SUPT7L: variants seen among roughly 807,000 people sequenced by gnomAD.
SUPT7L encodes SPT7 like, STAGA complex subunit gamma.
SUPT7L carries 15 observed loss-of-function variants against 35.7 expected under a neutral mutation model. The ratio of observed to expected loss-of-function variants is 0.42; its 90% CI spans 0.28 to 0.65. SUPT7L has a LOEUF of 0.65. Ranked by LOEUF, SUPT7L falls within the 30% of genes least tolerant of loss-of-function variation. The pLI, the probability that SUPT7L is intolerant of heterozygous loss-of-function variation, is 0.23. For synonymous variants in SUPT7L, 168 were observed against 186.2 expected (o/e 0.90, Z 0.79); for missense variants, 434 against 522.2 (o/e 0.83, Z 1.65).
chr2:27,654,271 C>A (rs988430192), intron 5 of SUPT7L, among the ~76,000 whole-genome samples: 1 of 152,244 alleles, frequency 6.6e-6, no homozygotes, highest in Non-Finnish European at 1.5e-5. Context: ...GCAACAATTT[C>A]TCTTTGGCCC....
chr2:27,659,975 A>G (rs1281329774), intron 3 of SUPT7L, among the ~76,000 whole-genome samples: 1 of 152,222 alleles, frequency 6.6e-6, no homozygotes, highest in Non-Finnish European at 1.5e-5. Flanking sequence ...GGCATTAAAT[A>G]CAACTTGCAC....
chr2:27,653,300 A>G lies in SUPT7L; in HGVS notation c.*185T>C. 1 of 811,800 alleles carries G rather than the reference A, an allele frequency of 1.2e-6. No homozygotes were observed. Among genetic ancestry groups the G allele is most frequent in the Non-Finnish European group, 1.9e-6 (1 of 534,126 alleles). 50.3% of individuals were successfully genotyped at this position (811,800 alleles called of 1,614,324 possible). On this transcript the variant is annotated 3_prime_UTR_variant, in exon 6 of 6. Coordinates refer to ENST00000337768, the MANE Select transcript of SUPT7L (RefSeq NM_014860.3). ...AAGGGTGGCTTGGTTGTGGAAAACT[A>G]TAAAAACTGGATGCAAAAGTAAAAT...
In SUPT7L at chr2:27,653,205, C is replaced by G. The variant is rs1674637416; in HGVS notation, c.*280G>C. The G allele has an allele frequency of 2.3e-6, 1 of 438,190 alleles. No individual in the cohort carries two copies. The highest frequency in any genetic ancestry group is 2.0e-5 in the African/African-American group (1 of 50,500). 27.1% of individuals were successfully genotyped at this position (438,190 alleles called of 1,614,324 possible). ...TAAATGGCTGTATAACATGTCTAGT[C>G]ATAGTTAAGACAACAATTGGGGACA... On this transcript the variant is annotated 3_prime_UTR_variant, in exon 6 of 6. Coordinates refer to ENST00000337768, the MANE Select transcript of SUPT7L (RefSeq NM_014860.3).
intron 4 of SUPT7L, 93 bp from the exon 5 acceptor site, chr2:27,655,695 T>C (rs1423425336): frequency 1.5e-5 from 16 of 1,095,730 alleles, no homozygotes; most frequent in South Asian, 3.2e-5. Flanking sequence ...CAACAGAACA[T>C]GAATAACAGA....
At position 27,657,610 on chromosome 2, in the gene SUPT7L, T is replaced by G. The variant is rs1418157550; in HGVS notation, c.479A>C (p.Gln160Pro). Residue 160 changes from glutamine (Q) to proline (P), a missense_variant, in exon 4 of 6, where the codon CAG (glutamine) becomes CCG (proline). This residue lies in a region of SUPT7L where 198 missense variants were observed against 190.8 expected (regional missense o/e 1.04). Transcript: ENST00000337768. This position sits in a 1 kb window ranked among gnomAD's most constrained non-coding sequence, Gnocchi z 5.2. ...GTGGGCCAGGATTGTGGCCACTGCC[T>G]GGTAGAGGAGCTGCCGACAGGAGTG... Reference protein sequence around the residue: ...SWHSCRQLLYQAVATILAHAG... With the variant: ...SWHSCRQLLYPAVATILAHAG... The G allele has an allele frequency of 6.2e-7, 1 of 1,614,204 alleles. No individual in the cohort carries two copies. Among genetic ancestry groups the G allele is most frequent in the South Asian group, 1.1e-5 (1 of 91,086 alleles).
the SUPT7L span, among the ~76,000 whole-genome samples, chr2:27,642,726 G>A: frequency 5.6e-3 from 847 of 151,920 alleles, 4 homozygotes; most frequent in Admixed American, 6.8e-3. Flanking sequence ...CACCACACCC[G>A]GCTAATTTTG....
At chr2:27,643,197 AT>A in the SUPT7L span, among the ~76,000 whole-genome samples, 1,663 of 144,364 alleles carry the variant, frequency 0.012, 28 homozygotes, top group African/African-American at 0.036. The surrounding 1 kb of genome is among the most constrained non-coding windows in gnomAD (Gnocchi z 4.0). Context: ...ATTAAAAAAA[AT>A]TTTTTTTTTT....
chr2:27,642,992 CACAT>C, the SUPT7L span, among the ~76,000 whole-genome samples: 1 of 150,616 alleles, frequency 6.6e-6, no homozygotes, highest in African/African-American at 2.5e-5. Flanking sequence ...CACACACACA[CACAT>C]ACATATGCAT....
chr2:27,657,625 C>T lies in SUPT7L; in HGVS notation c.464G>A (p.Arg155Gln), dbSNP rs200164884. 1.5e-5 allele frequency: 25 copies of T among 1,613,956 alleles called. No homozygotes were observed. Among genetic ancestry groups the T allele is most frequent in the Middle Eastern group, 1.7e-4 (1 of 6,060 alleles). Reference sequence around the variant, plus strand: ...GGCCACTGCCTGGTAGAGGAGCTGCCGACAGGAGTGCCAGCTGAGTTCAGT... The same window carrying T: ...GGCCACTGCCTGGTAGAGGAGCTGCTGACAGGAGTGCCAGCTGAGTTCAGT... Reference protein sequence around the residue: ...PVTELSWHSCRQLLYQAVATI... With the variant: ...PVTELSWHSCQQLLYQAVATI... The change falls in exon 4 of 6, where the codon CGG (arginine) becomes CAG (glutamine). Residue 155 changes from arginine to glutamine, a missense_variant. By Grantham distance (43) the Arg-to-Gln change is conservative (BLOSUM62 1). Around this residue, in one of 3 missense-constraint regions of SUPT7L, gnomAD observed 198 missense variants for 190.8 expected, o/e 1.04. Coordinates refer to ENST00000337768, the MANE Select transcript of SUPT7L (RefSeq NM_014860.3). This position sits in a 1 kb window ranked among gnomAD's most constrained non-coding sequence, Gnocchi z 5.2.
chr2:27,657,146 T>C lies in SUPT7L; in HGVS notation c.744+199A>G, dbSNP rs567958123. On this transcript the variant is annotated intron_variant, in intron 4 of 5. Transcript: ENST00000337768. The surrounding 1 kb of genome is among the most constrained non-coding windows in gnomAD (Gnocchi z 5.2). The stretch of plus-strand genomic sequence containing the variant: ...TAGTTTCTTCCAGAGGAAGTATCAG[T>C]GAATGTGGCCATTCACTGACTAAAG... Among the ~76,000 whole-genome samples, 13 of 152,230 alleles carry C rather than the reference T, an allele frequency of 8.5e-5. No homozygotes were observed. The highest frequency in any genetic ancestry group is 1.8e-4 in the Non-Finnish European group (12 of 68,030).
intron 5 of SUPT7L, 85 bp from the exon 6 acceptor site, chr2:27,653,832 C>A: frequency 6.6e-7 from 1 of 1,508,030 alleles, no homozygotes. Context: ...CACTCAGAAC[C>A]AACTAATATG....
intron 3 of SUPT7L, among the ~76,000 whole-genome samples, chr2:27,659,136 C>T (rs910562157): frequency 4.6e-5 from 7 of 152,104 alleles, no homozygotes; most frequent in Non-Finnish European, 4.4e-5. Flanking sequence ...TTGAGTTGGG[C>T]GTGTCTATGC....
chr2:27,647,723 C>T (rs1159242163), downstream of SUPT7L: 19 of 651,568 alleles, frequency 2.9e-5, no homozygotes, highest in Admixed American at 4.7e-5. Flanking sequence ...TAAGATCCTG[C>T]GTTTATATGT....
chr2:27,657,706 T>C lies in SUPT7L; in HGVS notation c.420-37A>G. 1 of 1,566,540 alleles carries C rather than the reference T, an allele frequency of 6.4e-7. No homozygotes were observed. The highest frequency in any genetic ancestry group is 8.7e-7 in the Non-Finnish European group (1 of 1,153,148). ...GATACGGTGGTGTTATTAATGTTCT[T>C]GCAAAGGGGTGACCCCTCCTGTCTT... On this transcript the variant is annotated intron_variant, in intron 3 of 5. Transcript: ENST00000337768. This position sits in a 1 kb window ranked among gnomAD's most constrained non-coding sequence, Gnocchi z 5.2.
intron 5 of SUPT7L, among the ~76,000 whole-genome samples, chr2:27,654,489 C>T (rs111370522): frequency 0.012 from 1,841 of 152,286 alleles, 28 homozygotes; most frequent in African/African-American, 0.042. Context: ...CTAACTGACA[C>T]GTAACCAGTC....
chr2:27,653,514 G>A lies in SUPT7L; in HGVS notation c.1216C>T (p.Arg406Cys), dbSNP rs551999323. Residue 406 changes from arginine (R) to cysteine (C), a missense_variant, in exon 6 of 6, where the codon CGC becomes TGC. Arg to Cys is a radical substitution (Grantham distance 180). Transcript: ENST00000337768. ...ATTTTCCTCATCCTCTTCTTGCAGC[G>A]CTGGTTGAAAACAGGGGAGGACCCC... ...LMGSSPVFNQ[R>C]CKKRMRKI 7.4e-6 allele frequency: 12 copies of A among 1,613,978 alleles called. No homozygotes were observed. Among genetic ancestry groups the A allele is most frequent in the South Asian group, 1.1e-5 (1 of 91,086 alleles).
In SUPT7L at chr2:27,655,441, C is replaced by T; in HGVS notation, c.906G>A (p.Leu302=). The stretch of plus-strand genomic sequence containing the variant: ...TCTGAGCCCCAAGCACTCCCATAGG[C>T]AGTGACTGGTCTCCAGAAGCAAGGT... ...EADLASGDQS[L]PMGVLGAQSE... Residue 302 remains leucine, a synonymous_variant, in exon 5 of 6, where the codon CTG becomes CTA. Transcript: ENST00000337768. 6.2e-7 allele frequency: 1 copy of T among 1,614,060 alleles called. No homozygotes were observed. The highest frequency in any genetic ancestry group is 8.5e-7 in the Non-Finnish European group (1 of 1,179,974).
At chr2:27,648,082 TGA>T, downstream of SUPT7L, 1 of 626,140 alleles carries the variant, frequency 1.6e-6, no homozygotes, top group Non-Finnish European at 2.9e-6. Context: ...TTTCCTATAT[TGA>T]GAGTTCCTGT....
chr2:27,653,451 G>A lies in SUPT7L; in HGVS notation c.*34C>T. ...ACAAAAACCTTTTCTGTTGGGTCTA[G>A]TAGGTCTGGACAAAACATCTCCCTC... On this transcript the variant is annotated 3_prime_UTR_variant, in exon 6 of 6. Transcript: ENST00000337768. 1 of 1,600,808 alleles carries A rather than the reference G, an allele frequency of 6.2e-7. No homozygotes were observed. The highest frequency in any genetic ancestry group is 8.5e-7 in the Non-Finnish European group (1 of 1,173,542).
Sources: allele counts gnomAD v4.1 joint callset (sites outside exome capture counted in the v4.1 genomes callset), GRCh38; gene constraint gnomAD v4.1.1; regional missense constraint gnomAD v4.1.1; non-coding constraint Gnocchi (gnomAD v3.1); transcripts MANE v1.5; gene names NCBI Gene and HGNC (gene_info 2026-07-23, HGNC 2026-07-21).